Variants in SKP1 observed in about 807,000 individuals in gnomAD.
SKP1 encodes the protein S-phase kinase-associated protein 1.
In SKP1, 1 loss-of-function variant was observed where a neutral mutation model predicts 21.5. The ratio of observed to expected loss-of-function variants is 0.05; its 90% CI spans 0.02 to 0.22. The LOEUF (loss-of-function observed/expected upper bound fraction) is 0.22, where lower values mean the gene tolerates loss of function less well. Among genes scored for constraint, SKP1 ranks in the 10% least tolerant of loss-of-function variants. The probability of loss-of-function intolerance (pLI) is 1.00; values close to 1 mark genes in which losing one functional copy is unlikely to be tolerated. For synonymous variants in SKP1, 59 were observed against 59.3 expected (o/e 0.99, Z 0.03); for missense variants, 70 against 192.0 (o/e 0.36, Z 3.76).
intron 1 of SKP1, 69 bp from the exon 2 acceptor site, chr5:134,174,091 G>A: frequency 1.1e-6 from 1 of 950,170 alleles, no homozygotes; most frequent in Non-Finnish European, 1.7e-6. Context: ...ATCAACTACA[G>A]TCCATCAGAA....
chr5:134,157,722 G>A lies in SKP1; in HGVS notation c.*11C>T. On this transcript the variant is annotated 3_prime_UTR_variant, in exon 6 of 6. Transcript: ENST00000353411. ...CAATCCTTACAGTGTTACAGTGTCA[G>A]GCACAACATTTCACTTCTCTTCACA... 6.2e-7 allele frequency: 1 copy of A among 1,605,884 alleles called. No homozygotes were observed. The highest frequency in any genetic ancestry group is 8.5e-7 in the Non-Finnish European group (1 of 1,172,762).
Position 134,161,023 on chromosome 5 carries a change from C to G in SKP1, c.279G>C (p.Leu93=). Residue 93 remains leucine, a synonymous_variant, in exon 4 of 6, where the codon CTG becomes CTC. Coordinates refer to ENST00000353411, the MANE Select transcript of SKP1 (RefSeq NM_170679.3). ...CAAAAAGTGTTCCTTGGTCAACTTT[C>G]AGGAATTCTTGGTCCCAAACAGGGA... is the stretch of plus-strand genomic sequence containing the variant. ...DDIPVWDQEF[L]KVDQGTLFEL... The G allele has an allele frequency of 3.7e-6, 6 of 1,612,752 alleles. No individual in the cohort carries two copies. Among genetic ancestry groups the G allele is most frequent in the Non-Finnish European group, 5.1e-6 (6 of 1,179,626 alleles).
intron 4 of SKP1, among the ~76,000 whole-genome samples, chr5:134,160,610 G>C (rs1761202470): frequency 6.6e-6 from 1 of 152,128 alleles, no homozygotes; most frequent in Non-Finnish European, 1.5e-5. Flanking sequence ...TTATCAGTAT[G>C]AAATAATCCT....
At chr5:134,165,287 G>A (rs1420355411) in intron 3 of SKP1, among the ~76,000 whole-genome samples, 1 of 138,694 alleles carries the variant, frequency 7.2e-6, no homozygotes, top group African/African-American at 3.4e-5. Flanking sequence ...ACAGAGAAAT[G>A]AAAACAGACA....
chr5:134,160,149 A>G (rs888130138), intron 4 of SKP1, among the ~76,000 whole-genome samples: 1 of 151,744 alleles, frequency 6.6e-6, no homozygotes, highest in Non-Finnish European at 1.5e-5. Context: ...TGAGGTCAGG[A>G]GTTCAAGACC....
intron 2 of SKP1, among the ~76,000 whole-genome samples, chr5:134,172,383 ATAC>A (rs1300286322): frequency 6.6e-6 from 1 of 152,198 alleles, no homozygotes; most frequent in African/African-American, 2.4e-5. Flanking sequence ...AGAACACTCA[ATAC>A]TACTAAGTTT....
At chr5:134,159,563 T>C (rs150642418) in intron 4 of SKP1, among the ~76,000 whole-genome samples, 12,296 of 151,536 alleles carry the variant, frequency 0.081, 562 homozygotes, top group Admixed American at 0.15. Flanking sequence ...TTTTTTTTTT[T>C]TTGAGACGAA....
chr5:134,169,290 C>G (rs1300124987), intron 2 of SKP1, among the ~76,000 whole-genome samples: 1 of 152,138 alleles, frequency 6.6e-6, no homozygotes, highest in Non-Finnish European at 1.5e-5. Context: ...TGGATTCACT[C>G]ATCTCCCCTC....
At chr5:134,174,464 G>A (rs577161651) in intron 1 of SKP1, 2 of 994,592 alleles carry the variant, frequency 2.0e-6, no homozygotes, top group South Asian at 8.7e-5. Flanking sequence ...AGTCCTACCT[G>A]TGAAGATGAG....
At chr5:134,175,006 T>C (rs1222001248) in intron 1 of SKP1, 1 of 152,246 alleles carries the variant, frequency 6.6e-6, no homozygotes, top group Admixed American at 6.5e-5. Flanking sequence ...CAAGTATTCA[T>C]AATCCGGTGA....
At position 134,157,651 on chromosome 5, in the gene SKP1, C is replaced by T; in HGVS notation, c.*82G>A. The T allele has an allele frequency of 8.9e-7, 1 of 1,122,924 alleles. No individual in the cohort carries two copies. Among genetic ancestry groups the T allele is most frequent in the Non-Finnish European group, 1.4e-6 (1 of 734,124 alleles). The allele number at this position is 1,122,924 out of a possible 1,614,324, so 69.6% of individuals were successfully genotyped here. On this transcript the variant is annotated 3_prime_UTR_variant, in exon 6 of 6. Transcript: ENST00000353411. ...GCTGCTGCATTTGTCTACTGTTTGT[C>T]TAATATTAACAATTATAAACAGAGC...
At chr5:134,161,618 G>C (rs1422622692) in intron 3 of SKP1, 1 of 152,236 alleles carries the variant, frequency 6.6e-6, no homozygotes, top group Non-Finnish European at 1.5e-5. Context: ...ACTAATTGTT[G>C]GGCAATAGTG....
intron 2 of SKP1, chr5:134,173,637 A>G (rs1761486095): frequency 8.3e-6 from 4 of 480,764 alleles, no homozygotes; most frequent in Middle Eastern, 6.4e-4. Context: ...TATGAATTCA[A>G]ATTTACTTGA....
At position 134,156,086 on chromosome 5, in the gene SKP1, A is replaced by AT. The variant is rs1477323453; in HGVS notation, c.*1646dup. On this transcript the variant is annotated 3_prime_UTR_variant, in exon 6 of 6. Coordinates refer to ENST00000353411, the MANE Select transcript of SKP1 (RefSeq NM_170679.3). ...GTTGAGATTACAGGCATAAGCCACCATGCCCAGCTGCTAAGGATACTTGAG... is the reference window on the plus strand; with the variant it reads ...GTTGAGATTACAGGCATAAGCCACCATTGCCCAGCTGCTAAGGATACTTGAG... The AT allele has an allele frequency of 6.6e-6, 1 of 151,828 alleles. No individual in the cohort carries two copies. The highest frequency in any genetic ancestry group is 2.4e-5 in the African/African-American group (1 of 41,266). The allele number at this position is 151,828 out of a possible 1,614,324, so 9.4% of individuals were successfully genotyped here.
At chr5:134,163,141 G>A (rs1031985581) in intron 3 of SKP1, among the ~76,000 whole-genome samples, 2 of 145,238 alleles carry the variant, frequency 1.4e-5, no homozygotes, top group African/African-American at 5.1e-5. Flanking sequence ...CTTGAGCCCA[G>A]GAGGCTGAGG....
In SKP1 at chr5:134,153,019, G is replaced by A. The variant is rs1235722831; in HGVS notation, c.*4714C>T. ...CATTTTGTAAGCTTTCCCTTTGCTT[G>A]CAATCTTCTTATTCTTGACTTCTTC... On this transcript the variant is annotated 3_prime_UTR_variant, in exon 6 of 6. Coordinates refer to ENST00000353411, the MANE Select transcript of SKP1 (RefSeq NM_170679.3). 1 of 152,178 alleles carries A rather than the reference G, an allele frequency of 6.6e-6. No individual in the cohort carries two copies. Among genetic ancestry groups the A allele is most frequent in the Non-Finnish European group, 1.5e-5 (1 of 68,032 alleles). The allele number at this position is 152,178 out of a possible 1,614,324, so 9.4% of individuals were successfully genotyped here. A position where few individuals can be genotyped will look rare whatever the true frequency, so the allele number is the denominator to read the frequency against.
At chr5:134,163,812 A>C (rs566747824) in intron 3 of SKP1, among the ~76,000 whole-genome samples, 2 of 151,996 alleles carry the variant, frequency 1.3e-5, no homozygotes, top group East Asian at 3.9e-4. Context: ...CAAACAAACA[A>C]AAAAACCCCA....
In SKP1 at chr5:134,155,976, T is replaced by G. The variant is rs1761114070; in HGVS notation, c.*1757A>C. 6.6e-6 allele frequency: 1 copy of G among 151,654 alleles called. No individual in the cohort carries two copies. Among genetic ancestry groups the G allele is most frequent in the Admixed American group, 6.6e-5 (1 of 15,206 alleles). The allele number at this position is 151,654 out of a possible 1,614,324, so 9.4% of individuals were successfully genotyped here. A position where few individuals can be genotyped will look rare whatever the true frequency, so the allele number is the denominator to read the frequency against. On this transcript the variant is annotated 3_prime_UTR_variant, in exon 6 of 6. Coordinates refer to ENST00000353411, the MANE Select transcript of SKP1 (RefSeq NM_170679.3). ...GACTGCTAATTTTTTTTTTTTTTTT[T>G]GGAGAGACAGGGACTTTCTGTGTTG...
chr5:134,161,652 G>C (rs903133886), intron 3 of SKP1: 6 of 152,282 alleles, frequency 3.9e-5, no homozygotes, highest in African/African-American at 1.2e-4. Flanking sequence ...AACTCTTCTA[G>C]AGAGTATAAA....
Sources: gnomAD v4.1 joint callset for allele counts (sites outside exome capture counted in the v4.1 genomes callset) on GRCh38, gnomAD v4.1.1 for gene constraint, MANE v1.5 for transcripts, NCBI Gene and HGNC (gene_info 2026-07-23, HGNC 2026-07-21) for gene names.